IL7: variants seen among roughly 807,000 people sequenced by gnomAD.
The protein encoded by IL7 is interleukin-7.
A neutral mutation model predicts 21.6 loss-of-function variants in IL7; 3 were observed. That is an observed-to-expected ratio of 0.14 (90% confidence interval 0.06 to 0.36). IL7 has a LOEUF of 0.36. IL7 is among the 10% of genes least tolerant of loss of function. The probability of loss-of-function intolerance (pLI) is 1.00; values close to 1 mark genes in which losing one functional copy is unlikely to be tolerated. For missense variants in IL7, 175 were observed against 200.2 expected, an observed-to-expected ratio of 0.87 and a Z score of 0.76; for synonymous variants, 62 against 68.1, an observed-to-expected ratio of 0.91 and a Z score of 0.44.
chr8:78,794,729 C>A (rs1813798912), intron 2 of IL7, among the ~76,000 whole-genome samples: 1 of 152,078 alleles, frequency 6.6e-6, no homozygotes, highest in Admixed American at 6.6e-5. Context: ...GCTTGTTTTA[C>A]AACCAGTCTA....
chr8:78,755,403 A>G (rs1812314889), intron 2 of IL7, among the ~76,000 whole-genome samples: 1 of 152,096 alleles, frequency 6.6e-6, no homozygotes, highest in Non-Finnish European at 1.5e-5. Context: ...TTAAAGTTGT[A>G]GATTGCTTTG....
chr8:78,768,376 C>G (rs1446104210), intron 2 of IL7, among the ~76,000 whole-genome samples: 1 of 150,950 alleles, frequency 6.6e-6, no homozygotes, highest in Admixed American at 6.6e-5. Context: ...AACTAGTTTA[C>G]AGTCCCACCA....
chr8:78,681,717 C>G (rs747928832), intron 4 of IL7, among the ~76,000 whole-genome samples: 4 of 151,978 alleles, frequency 2.6e-5, no homozygotes, highest in Admixed American at 2.6e-4. Flanking sequence ...AAATAAATGA[C>G]ATTTTGATTT....
At chr8:78,717,637 C>G (rs1165182028), downstream of IL7, 2 of 879,318 alleles carry the variant, frequency 2.3e-6, no homozygotes, top group Non-Finnish European at 3.3e-6. Context: ...AATCTTTTGG[C>G]TATATAATGT....
intron 3 of IL7, among the ~76,000 whole-genome samples, chr8:78,690,283 G>A (rs1810165159): frequency 6.6e-6 from 1 of 152,162 alleles, no homozygotes; most frequent in South Asian, 2.1e-4. Context: ...TTGGCAGCCG[G>A]GTGCAGTGGC....
At chr8:78,678,467 C>T (rs2130443115) in intron 4 of IL7, 1 of 867,016 alleles carries the variant, frequency 1.2e-6, no homozygotes, top group Non-Finnish European at 1.8e-6. Context: ...TTCATTTGGT[C>T]TCAGATTTTT....
chr8:78,759,116 AT>A (rs1186193547), intron 2 of IL7, among the ~76,000 whole-genome samples: 1 of 149,480 alleles, frequency 6.7e-6, no homozygotes, highest in Non-Finnish European at 1.5e-5. Context: ...AAGTTCAAAA[AT>A]TCTTCTGCTT....
intron 5 of IL7, among the ~76,000 whole-genome samples, chr8:78,719,999 A>G (rs561754884): frequency 2.0e-5 from 3 of 151,954 alleles, no homozygotes; most frequent in Non-Finnish European, 4.4e-5. Flanking sequence ...TTAAGGCATT[A>G]TCTTCATAGA....
downstream of IL7, among the ~76,000 whole-genome samples, chr8:78,729,189 A>G (rs1402372988): frequency 1.3e-5 from 2 of 151,968 alleles, no homozygotes; most frequent in Non-Finnish European, 2.9e-5. Flanking sequence ...CATCTAACCT[A>G]AAATACCACC....
chr8:78,763,068 G>A (rs1035534634), intron 2 of IL7, among the ~76,000 whole-genome samples: 3 of 152,112 alleles, frequency 2.0e-5, no homozygotes, highest in Non-Finnish European at 2.9e-5. Flanking sequence ...ATTGGCTTAG[G>A]CTCTGGTTGT....
At chr8:78,708,671 TC>T (rs1235391625) in intron 3 of IL7, among the ~76,000 whole-genome samples, 1 of 74,956 alleles carries the variant, frequency 1.3e-5, no homozygotes, top group East Asian at 9.9e-4. Flanking sequence ...AAGATGATTA[TC>T]TTTTTTTTTT....
chr8:78,734,252 G>T (rs554973992), intron 5 of IL7, among the ~76,000 whole-genome samples: 2 of 152,232 alleles, frequency 1.3e-5, no homozygotes, highest in Non-Finnish European at 2.9e-5. Context: ...ATAGCTGATG[G>T]AACTTGTACC....
chr8:78,698,856 A>C (rs1174958690), intron 3 of IL7, among the ~76,000 whole-genome samples: 1 of 152,182 alleles, frequency 6.6e-6, no homozygotes, highest in African/African-American at 2.4e-5. Context: ...GACATTTTGC[A>C]TATATTTTTG....
At chr8:78,738,380 T>G in intron 4 of IL7, 124 bp downstream of exon 4, 1 of 793,602 alleles carries the variant, frequency 1.3e-6, no homozygotes, top group Non-Finnish European at 1.9e-6. Context: ...TAAACATACT[T>G]CAACTTTAGA....
intron 3 of IL7, chr8:78,686,588 C>T: frequency 5.9e-6 from 9 of 1,526,358 alleles, no homozygotes; most frequent in African/African-American, 1.4e-5. Flanking sequence ...CCTCCTCCTC[C>T]TCCACCTTCT....
chr8:78,730,565 T>A (rs563778850), downstream of IL7, among the ~76,000 whole-genome samples: 1 of 151,922 alleles, frequency 6.6e-6, no homozygotes, highest in Non-Finnish European at 1.5e-5. Flanking sequence ...TGTCCTAAAT[T>A]AGTTATGTTT....
Position 78,739,971 on chromosome 8 carries a change from T to G in IL7, c.228+31A>C, listed in dbSNP as rs558682411. The G allele has an allele frequency of 8.8e-4, 1,314 of 1,491,192 alleles. 26 individuals are homozygous for G. The South Asian group carries it at 0.017, about 20-fold the overall frequency. The allele number at this position is 1,491,192 out of a possible 1,614,324, so 92.4% of individuals were successfully genotyped here. A position where few individuals can be genotyped will look rare whatever the true frequency, so the allele number is the denominator to read the frequency against. ...ATAGAAGCTTCTATAAAATCAAGCT[T>G]GAATGACAAACTCCAAATAATTATC... On this transcript the variant is annotated intron_variant, in intron 3 of 5. Coordinates refer to ENST00000263851, the MANE Select transcript of IL7 (RefSeq NM_000880.4).
chr8:78,698,370 C>A (rs770395662), intron 3 of IL7: 5 of 1,489,720 alleles, frequency 3.4e-6, no homozygotes, highest in Middle Eastern at 3.5e-4. Context: ...TTTTATGTAA[C>A]CTTTTTTAGA....
chr8:78,697,351 T>G (rs1810455912), intron 3 of IL7: 14 of 1,408,450 alleles, frequency 9.9e-6, no homozygotes, highest in South Asian at 3.9e-5. Flanking sequence ...AACCACTACT[T>G]TACAATCCAT....
Sources: allele counts gnomAD v4.1 joint callset (sites outside exome capture counted in the v4.1 genomes callset), GRCh38; gene constraint gnomAD v4.1.1; transcripts MANE v1.5; gene names NCBI Gene and HGNC (gene_info 2026-07-23, HGNC 2026-07-21).